The following NUGGC variants were observed in gnomAD, a reference collection of about 807,000 sequenced individuals.
NUGGC encodes the protein nuclear GTPase SLIP-GC.
NUGGC carries 58 observed loss-of-function variants against 92.6 expected under a neutral mutation model. That is an observed-to-expected ratio of 0.63 (90% CI 0.51 to 0.78). The LOEUF is 0.78. Among genes scored for constraint, NUGGC ranks in the 30% least tolerant of loss-of-function variants. NUGGC has a pLI of 0.00. For synonymous variants in NUGGC, 376 were observed against 366.4 expected (o/e 1.03, Z -0.30); for missense variants, 925 against 964.6 (o/e 0.96, Z 0.54).
At chr8:28,049,907 G>A (rs866093577) in intron 10 of NUGGC, among the ~76,000 whole-genome samples, 81 of 152,204 alleles carry the variant, frequency 5.3e-4, no homozygotes, top group African/African-American at 1.9e-3. Context: ...CCAACATGGT[G>A]AAACCCCGTC....
intron 8 of NUGGC, among the ~76,000 whole-genome samples, chr8:28,059,247 G>C (rs181777176): frequency 7.2e-5 from 11 of 152,068 alleles, no homozygotes; most frequent in Non-Finnish European, 1.6e-4. Flanking sequence ...ATCACATCCC[G>C]TGAGCACACA....
intron 13 of NUGGC, among the ~76,000 whole-genome samples, chr8:28,040,300 C>T (rs17058500): frequency 0.039 from 5,987 of 152,284 alleles, 399 homozygotes; most frequent in African/African-American, 0.14. Flanking sequence ...AAAACCACAA[C>T]TTGTATGCCA....
intron 1 of NUGGC, among the ~76,000 whole-genome samples, chr8:28,076,612 G>A (rs909832752): frequency 9.9e-5 from 15 of 152,234 alleles, no homozygotes; most frequent in Middle Eastern, 3.4e-3. Context: ...TTCATTTTTG[G>A]TATGTTAGAG....
intron 18 of NUGGC, among the ~76,000 whole-genome samples, chr8:28,023,928 A>G (rs1245260663): frequency 6.6e-6 from 1 of 152,166 alleles, no homozygotes; most frequent in Admixed American, 6.5e-5. Context: ...CAACTTGTTT[A>G]GGTCACAGGG....
At chr8:28,033,395 T>G in intron 14 of NUGGC, 145 bp downstream of exon 14, 1 of 748,532 alleles carries the variant, frequency 1.3e-6, no homozygotes, top group Admixed American at 3.3e-5. Context: ...CAAGAAGGCT[T>G]TTGTGTTTTG....
At chr8:28,081,919 C>CCACG (rs1810860852) in intron 1 of NUGGC, among the ~76,000 whole-genome samples, 1 of 149,526 alleles carries the variant, frequency 6.7e-6, no homozygotes, top group Non-Finnish European at 1.5e-5. Context: ...TTTTCTTGCT[C>CCACG]TCACAAGAAG....
At position 28,030,431 on chromosome 8, in the gene NUGGC, G is replaced by A. The variant is rs1054633595; in HGVS notation, c.1909-13C>T. Reference sequence around the variant, plus strand: ...GGATGGCACTTATCTGGGAAGATGTGGCAAAAGAGGCCGTTGGTGACAATT... The same window carrying A: ...GGATGGCACTTATCTGGGAAGATGTAGCAAAAGAGGCCGTTGGTGACAATT... On this transcript the variant is annotated splice_polypyrimidine_tract_variant and intron_variant, in intron 15 of 18. Transcript: ENST00000413272. 9.2e-6 allele frequency: 13 copies of A among 1,409,070 alleles called. No homozygotes were observed. In the Admixed American group the frequency reaches 1.5e-4, roughly 17 times the overall value. The allele number at this position is 1,409,070 out of a possible 1,614,324, so 87.3% of individuals were successfully genotyped here. A position where few individuals can be genotyped will look rare whatever the true frequency, so the allele number is the denominator to read the frequency against.
chr8:28,042,745 C>T (rs1378290538), intron 12 of NUGGC, among the ~76,000 whole-genome samples: 2 of 152,162 alleles, frequency 1.3e-5, no homozygotes, highest in African/African-American at 4.8e-5. Context: ...AGAGCAAAAC[C>T]CATAGACATT....
Position 28,041,063 on chromosome 8 carries a change from T to C in NUGGC, c.1599A>G (p.Arg533=), listed in dbSNP as rs17058502. 0.11 allele frequency: 176,881 copies of C among 1,603,302 alleles called. 10,373 individuals carry two copies. The highest frequency in any genetic ancestry group is 0.16 in the African/African-American group (12,167 of 74,778). The change falls in exon 13 of 19, where the codon AGA becomes AGG. Residue 533 remains arginine (R), a synonymous_variant. Transcript: ENST00000413272. The part of the protein sequence containing the change: ...TARTSYRCIL[R]ACLVRSKGNQ... ...AAGGGTCACTCACCACCAAGCATGC[T>C]CTGAGGATGCAGCGGTAAGAAGTCC...
At chr8:28,028,957 A>G (rs138862929) in intron 17 of NUGGC, among the ~76,000 whole-genome samples, 1 of 152,300 alleles carries the variant, frequency 6.6e-6, no homozygotes, top group African/African-American at 2.4e-5. Flanking sequence ...TCCCGCTGCC[A>G]GAAGTTTCTT....
intron 7 of NUGGC, among the ~76,000 whole-genome samples, chr8:28,060,859 G>A (rs1398191206): frequency 6.6e-6 from 1 of 152,138 alleles, no homozygotes; most frequent in Non-Finnish European, 1.5e-5. Flanking sequence ...CATTGGGCTG[G>A]CCTCTGCATC....
chr8:28,050,568 T>A (rs1020978009), intron 10 of NUGGC, among the ~76,000 whole-genome samples: 2 of 152,060 alleles, frequency 1.3e-5, no homozygotes, highest in Non-Finnish European at 1.5e-5. Flanking sequence ...CCTAGTACTT[T>A]GGGAGGCTGA....
intron 12 of NUGGC, among the ~76,000 whole-genome samples, chr8:28,045,128 C>T (rs541554630): frequency 1.3e-5 from 2 of 152,300 alleles, no homozygotes; most frequent in East Asian, 3.9e-4. Flanking sequence ...TCTGACAGCA[C>T]CAGAGACAGA....
intron 15 of NUGGC, 115 bp from the exon 16 acceptor site, chr8:28,030,533 T>G: frequency 1.5e-6 from 1 of 667,910 alleles, no homozygotes. Context: ...GATGCCCAGT[T>G]GTTTGTCTGT....
chr8:28,051,128 T>G (rs1225595110), intron 10 of NUGGC, among the ~76,000 whole-genome samples: 3 of 152,126 alleles, frequency 2.0e-5, no homozygotes, highest in Non-Finnish European at 2.9e-5. Flanking sequence ...CTGGCCCAAT[T>G]ATTATTTTTA....
intron 8 of NUGGC, among the ~76,000 whole-genome samples, chr8:28,058,705 A>T (rs1810213982): frequency 6.7e-6 from 1 of 148,650 alleles, no homozygotes; most frequent in Non-Finnish European, 1.5e-5. Flanking sequence ...TAATTATGTT[A>T]ATTTTTTTTT....
intron 1 of NUGGC, among the ~76,000 whole-genome samples, chr8:28,082,479 C>T (rs1457294433): frequency 6.6e-6 from 1 of 152,222 alleles, no homozygotes; most frequent in African/African-American, 2.4e-5. Context: ...CCAGCAATTT[C>T]TGCAATAGCT....
intron 8 of NUGGC, among the ~76,000 whole-genome samples, 182 bp from the exon 9 acceptor site, chr8:28,058,458 C>T (rs1034890343): frequency 1.3e-5 from 2 of 152,130 alleles, no homozygotes; most frequent in African/African-American, 4.8e-5. Flanking sequence ...AAAGTGCCTT[C>T]ATTTCTCAAC....
chr8:28,044,784 G>A (rs1454436082), intron 12 of NUGGC, among the ~76,000 whole-genome samples: 1 of 152,172 alleles, frequency 6.6e-6, no homozygotes, highest in Non-Finnish European at 1.5e-5. Context: ...GTTGTGGTCA[G>A]AGATCTATTT....
Sources: allele counts gnomAD v4.1 joint callset (sites outside exome capture counted in the v4.1 genomes callset), GRCh38; gene constraint gnomAD v4.1.1; transcripts MANE v1.5; gene names NCBI Gene and HGNC (gene_info 2026-07-23, HGNC 2026-07-21).